ARF1: variants seen among roughly 807,000 people sequenced by gnomAD.
ARF1 encodes the protein ADP-ribosylation factor 1.
A neutral mutation model predicts 18.0 loss-of-function variants in ARF1; 1 was observed. The ratio of observed to expected loss-of-function variants is 0.06; its 90% confidence interval spans 0.02 to 0.26. The LOEUF is 0.26. Among genes scored for constraint, ARF1 ranks in the 10% least tolerant of loss-of-function variants. ARF1 has a pLI of 1.00. For missense variants in ARF1, 73 were observed against 247.2 expected, an observed-to-expected ratio of 0.30 and a Z score of 4.73; for synonymous variants, 112 against 96.3, an observed-to-expected ratio of 1.16 and a Z score of -0.95.
chr1:228,088,502 C>A (rs927216121), intron 1 of ARF1, among the ~76,000 whole-genome samples: 1 of 152,134 alleles, frequency 6.6e-6, no homozygotes, highest in South Asian at 2.1e-4. Context: ...GTCTGATGTC[C>A]CAGACCTGTT....
chr1:228,093,256 C>T (rs1333539156), intron 1 of ARF1, among the ~76,000 whole-genome samples: 1 of 152,102 alleles, frequency 6.6e-6, no homozygotes, highest in Non-Finnish European at 1.5e-5. Flanking sequence ...CAGCACCTGG[C>T]CTGGGCATGA....
At chr1:228,087,069 T>C (rs911066528) in intron 1 of ARF1, among the ~76,000 whole-genome samples, 4 of 152,206 alleles carry the variant, frequency 2.6e-5, no homozygotes, top group African/African-American at 9.7e-5. Context: ...CTCAAAATAG[T>C]ATATTTTGAA....
rs889579855 is a variant in ARF1, at chr1:228,086,865, T to G, written c.-38+4100T>G. On this transcript the variant is annotated intron_variant, in intron 1 of 4. Transcript: ENST00000272102. ...GTCCAGAAGCACAGGTAAAATAACC[T>G]GGAGTTTGTGATTGCCTCCAGGTAG... Among the ~76,000 whole-genome samples, 5 of 152,232 alleles carry G rather than the reference T, an allele frequency of 3.3e-5. No individual in the cohort carries two copies. The South Asian group carries it at 1.0e-3, about 32-fold the overall frequency.
At position 228,096,993 on chromosome 1, in the gene ARF1, C is replaced by T. The variant is rs369631308; in HGVS notation, c.-37-85C>T. 12 of 1,250,594 alleles carry T rather than the reference C, an allele frequency of 9.6e-6. No homozygotes were observed. The African/African-American group carries it at 1.4e-4, about 14-fold the overall frequency. 77.5% of individuals were successfully genotyped at this position (1,250,594 alleles called of 1,614,324 possible). On this transcript the variant is annotated intron_variant, in intron 1 of 4. Coordinates refer to ENST00000272102, the MANE Select transcript of ARF1 (RefSeq NM_001658.4). ...CAGGCTTCCAGGAGGTGGGGTGAGG[C>T]AGTGGTGCATCCCTGGGTGGGTGGG...
rs138872498 is a variant in ARF1, at chr1:228,089,811, A to G, written c.-38+7046A>G. Among the ~76,000 whole-genome samples, 215 of 152,178 alleles carry G rather than the reference A, an allele frequency of 1.4e-3. 1 individual carries two copies. The highest frequency in any genetic ancestry group is 1.4e-3 in the Non-Finnish European group (98 of 67,984). ...GCCCTGGATCCCCCAGCCCCACACA[A>G]TGGTGGGCCTATGTTCGTCCAGAAC... On this transcript the variant is annotated intron_variant, in intron 1 of 4. Transcript: ENST00000272102. This position sits in a 1 kb window ranked among gnomAD's most constrained non-coding sequence, Gnocchi z 4.1.
In ARF1 at chr1:228,097,872, T is replaced by C. The variant is rs2032803973; in HGVS notation, c.405T>C (p.Asn135=). 1.2e-6 allele frequency: 2 copies of C among 1,613,894 alleles called. No individual in the cohort carries two copies. The highest frequency in any genetic ancestry group is 1.3e-5 in the African/African-American group (1 of 74,970). The change falls in exon 5 of 5, where the codon AAT becomes AAC. Residue 135 remains asparagine, a synonymous_variant. Coordinates refer to ENST00000272102, the MANE Select transcript of ARF1 (RefSeq NM_001658.4). The surrounding 1 kb of genome is among the most constrained non-coding windows in gnomAD (Gnocchi z 8.1). ...ANKQDLPNAM[N]AAEITDKLGL... ...CCCAGGACCTCCCCAACGCCATGAA[T>C]GCGGCCGAGATCACAGACAAGCTGG...
chr1:228,092,660 G>C (rs894502265), intron 1 of ARF1, among the ~76,000 whole-genome samples: 4 of 152,150 alleles, frequency 2.6e-5, no homozygotes, highest in African/African-American at 9.7e-5. Flanking sequence ...GACAGGTTGG[G>C]GGAGATGATC....
chr1:228,095,681 T>G (rs548735959), intron 1 of ARF1, among the ~76,000 whole-genome samples: 17 of 152,284 alleles, frequency 1.1e-4, no homozygotes, highest in Admixed American at 9.8e-4. Flanking sequence ...GCGGTCCAGT[T>G]TTCTCTGCCT....
At chr1:228,086,787 A>G (rs1310961342) in intron 1 of ARF1, among the ~76,000 whole-genome samples, 1 of 152,198 alleles carries the variant, frequency 6.6e-6, no homozygotes, top group Non-Finnish European at 1.5e-5. Flanking sequence ...ACTCTAGCAA[A>G]TTAATTGAAC....
At chr1:228,096,368 C>T (rs1399375485) in intron 1 of ARF1, 1 of 152,268 alleles carries the variant, frequency 6.6e-6, no homozygotes, top group Admixed American at 6.5e-5. Context: ...TCTAAAGTCC[C>T]TGTTCGGGAT....
At chr1:228,091,966 T>C (rs144283575) in intron 1 of ARF1, among the ~76,000 whole-genome samples, 1 of 152,302 alleles carries the variant, frequency 6.6e-6, no homozygotes, top group East Asian at 1.9e-4. Flanking sequence ...CTACACTATA[T>C]GTATGACTGT....
chr1:228,094,780 TTGGC>T (rs2032687044), intron 1 of ARF1, among the ~76,000 whole-genome samples: 1 of 152,150 alleles, frequency 6.6e-6, no homozygotes, highest in Non-Finnish European at 1.5e-5. Flanking sequence ...GTTGGATACT[TTGGC>T]TGGGTATAGA....
At position 228,097,479 on chromosome 1, in the gene ARF1, G is replaced by A; in HGVS notation, c.259+27G>A. The A allele has an allele frequency of 6.2e-7, 1 of 1,613,882 alleles. No homozygotes were observed. The highest frequency in any genetic ancestry group is 1.7e-5 in the Admixed American group (1 of 60,030). ...TAAGTGGCTGGGGCCTGGTCCCATG[G>A]GCACTCCTGCTTCTAGAGAGGGGGG... On this transcript the variant is annotated intron_variant, in intron 3 of 4. Transcript: ENST00000272102. The surrounding 1 kb of genome is among the most constrained non-coding windows in gnomAD (Gnocchi z 8.1).
intron 1 of ARF1, chr1:228,083,612 C>G (rs968108907): frequency 1.1e-4 from 16 of 152,256 alleles, no homozygotes; most frequent in Non-Finnish European, 1.5e-5. Flanking sequence ...ATAAGAAGGC[C>G]TCTTCTGAGC....
At chr1:228,093,887 G>A (rs1455586122) in intron 1 of ARF1, among the ~76,000 whole-genome samples, 1 of 149,352 alleles carries the variant, frequency 6.7e-6, no homozygotes, top group East Asian at 2.0e-4. Flanking sequence ...GATCGCACCT[G>A]AGAGGTTGCA....
At chr1:228,096,054 C>G (rs552633189) in intron 1 of ARF1, among the ~76,000 whole-genome samples, 2 of 152,194 alleles carry the variant, frequency 1.3e-5, no homozygotes, top group Non-Finnish European at 2.9e-5. Context: ...CAGTTCACAC[C>G]CACTGAAACA....
Position 228,097,210 on chromosome 1 carries a change from G to T in ARF1, c.96G>T (p.Thr32=). Residue 32 remains threonine (T), a synonymous_variant, in exon 2 of 5, where the codon ACG becomes ACT. Transcript: ENST00000272102. This position sits in a 1 kb window ranked among gnomAD's most constrained non-coding sequence, Gnocchi z 8.1. ...GCCTGGATGCTGCAGGGAAGACCAC[G>T]ATCCTCTACAAGCTTAAGCTGGGTG... ...MVGLDAAGKT[T]ILYKLKLGEI... The T allele has an allele frequency of 6.2e-7, 1 of 1,613,912 alleles. No homozygotes were observed. Among genetic ancestry groups the T allele is most frequent in the East Asian group, 2.2e-5 (1 of 44,878 alleles).
chr1:228,095,591 C>T (rs1054398503), intron 1 of ARF1, among the ~76,000 whole-genome samples: 1 of 152,184 alleles, frequency 6.6e-6, no homozygotes, highest in Admixed American at 6.5e-5. Flanking sequence ...CAAGACAATT[C>T]TTCTTCCATT....
intron 1 of ARF1, chr1:228,090,932 GC>G (rs2032557965): frequency 6.6e-6 from 1 of 152,286 alleles, no homozygotes; most frequent in Non-Finnish European, 1.5e-5. Flanking sequence ...ATGAGACACT[GC>G]CTTCAGCAGC....
Sources: gnomAD v4.1 joint callset for allele counts (sites outside exome capture counted in the v4.1 genomes callset) on GRCh38, gnomAD v4.1.1 for gene constraint, Gnocchi (gnomAD v3.1) non-coding constraint, MANE v1.5 for transcripts, NCBI Gene and HGNC (gene_info 2026-07-23, HGNC 2026-07-21) for gene names.